Variants in PPP2R5E observed in about 807,000 individuals in gnomAD.
PPP2R5E encodes serine/threonine-protein phosphatase 2A 56 kDa regulatory subunit epsilon isoform.
Under a neutral mutation model 65.3 loss-of-function variants are expected in PPP2R5E, and 4 were observed. The ratio of observed to expected loss-of-function variants is 0.06; its 90% CI spans 0.03 to 0.14. The LOEUF is 0.14. Among genes scored for constraint, PPP2R5E ranks in the 10% least tolerant of loss-of-function variants. PPP2R5E has a pLI of 1.00. For missense variants in PPP2R5E, 274 were observed against 556.1 expected (o/e 0.49, Z 5.10); for synonymous variants, 183 against 187.4 (o/e 0.98, Z 0.19).
At chr14:63,540,719 T>C (rs940721930) in intron 1 of PPP2R5E, among the ~76,000 whole-genome samples, 33 of 144,286 alleles carry the variant, frequency 2.3e-4, no homozygotes, top group African/African-American at 8.8e-4. Context: ...GAAAACTCCT[T>C]CTCAAAAAAA....
chr14:63,518,108 C>T (rs1230507201), intron 2 of PPP2R5E, among the ~76,000 whole-genome samples: 1 of 152,210 alleles, frequency 6.6e-6, no homozygotes, highest in Non-Finnish European at 1.5e-5. Flanking sequence ...CAGGATCTCA[C>T]TCTGTCACCC....
intron 2 of PPP2R5E, among the ~76,000 whole-genome samples, chr14:63,482,250 A>C: frequency 6.6e-6 from 1 of 152,188 alleles, no homozygotes; most frequent in East Asian, 1.9e-4. Context: ...AGATCACCTG[A>C]GGTCAGGAGT....
At chr14:63,404,950 A>T (rs1885981051) in intron 5 of PPP2R5E, among the ~76,000 whole-genome samples, 1 of 152,210 alleles carries the variant, frequency 6.6e-6, no homozygotes, top group Admixed American at 6.5e-5. Context: ...GTGCAAAATA[A>T]ACATGCGGTG....
At chr14:63,470,688 C>A (rs1890073799) in intron 2 of PPP2R5E, among the ~76,000 whole-genome samples, 1 of 149,876 alleles carries the variant, frequency 6.7e-6, no homozygotes. Context: ...AATCTACTTT[C>A]ACAGGATCAT....
intron 13 of PPP2R5E, among the ~76,000 whole-genome samples, chr14:63,377,126 G>C (rs1429672021): frequency 6.6e-6 from 1 of 151,618 alleles, no homozygotes; most frequent in Admixed American, 6.6e-5. Context: ...TCCAGTCTGG[G>C]GGACAGAGCA....
chr14:63,486,293 TACACACACACACACAC>T (rs374427574), intron 2 of PPP2R5E, among the ~76,000 whole-genome samples: 14 of 127,956 alleles, frequency 1.1e-4, no homozygotes, highest in Admixed American at 7.8e-4. Context: ...CTTTCCCCAT[TACACACACACACACAC>T]ACACACACAC....
chr14:63,532,129 C>T (rs544049269), intron 2 of PPP2R5E, among the ~76,000 whole-genome samples: 105 of 152,280 alleles, frequency 6.9e-4, no homozygotes, highest in African/African-American at 2.5e-3. Context: ...AAAATGTTCA[C>T]ATAATTTTAG....
At chr14:63,427,638 A>G (rs887789365) in intron 3 of PPP2R5E, among the ~76,000 whole-genome samples, 2 of 152,068 alleles carry the variant, frequency 1.3e-5, no homozygotes, top group East Asian at 3.9e-4. Context: ...GAAAGAAAGA[A>G]AAAAAGGAGG....
intron 11 of PPP2R5E, among the ~76,000 whole-genome samples, chr14:63,385,755 TA>T (rs1884627117): frequency 1.4e-5 from 2 of 144,636 alleles, no homozygotes; most frequent in South Asian, 4.3e-4. Context: ...TAGGCAAGGT[TA>T]CACTGACAAT....
At chr14:63,542,724 G>A (rs1173992405) in intron 1 of PPP2R5E, 55 bp downstream of exon 1, 6 of 153,532 alleles carry the variant, frequency 3.9e-5, no homozygotes, top group African/African-American at 9.6e-5. Flanking sequence ...TCCCCAGGAG[G>A]ACCGGGAGGA....
chr14:63,519,443 CG>C (rs1892796073), intron 2 of PPP2R5E, among the ~76,000 whole-genome samples: 1 of 150,908 alleles, frequency 6.6e-6, no homozygotes, highest in Admixed American at 6.6e-5. Context: ...CTCTGCCTCC[CG>C]GGTTCAAGTG....
rs542113935 is a variant in PPP2R5E, at chr14:63,500,420, A to T, written c.157+39109T>A. On this transcript the variant is annotated intron_variant, in intron 2 of 13. Coordinates refer to ENST00000337537, the MANE Select transcript of PPP2R5E (RefSeq NM_006246.5). The stretch of plus-strand genomic sequence containing the variant: ...TCTTTTTACCAGCTAAGTCTTTGTG[A>T]CAGGAAATCGTTTACATTGACTAAA... 2.6e-5 allele frequency among the ~76,000 whole-genome samples: 4 copies of T among 152,330 alleles called. No individual in the cohort carries two copies. The East Asian group carries it at 7.7e-4, about 29-fold the overall frequency.
At chr14:63,481,421 A>T (rs1163663901) in intron 2 of PPP2R5E, among the ~76,000 whole-genome samples, 7 of 146,658 alleles carry the variant, frequency 4.8e-5, no homozygotes, top group African/African-American at 1.7e-4. Context: ...GCTTGAATCC[A>T]GGGGGCGGAG....
Position 63,394,071 on chromosome 14 carries a change from T to C in PPP2R5E, c.741-143A>G, listed in dbSNP as rs964946598. ...CACCCCAGTGGCATTCAGAATTTCC[T>C]TTTTTTTTTTTTTTTTTTTTTTTTT... On this transcript the variant is annotated intron_variant, in intron 7 of 13. Transcript: ENST00000337537. 1.3e-4 allele frequency: 10 copies of C among 77,652 alleles called. No individual in the cohort carries two copies. In the East Asian group the frequency reaches 7.7e-3, roughly 60 times the overall value. 4.8% of individuals were successfully genotyped at this position (77,652 alleles called of 1,614,324 possible). A position where few individuals can be genotyped will look rare whatever the true frequency, so the allele number is the denominator to read the frequency against.
intron 8 of PPP2R5E, among the ~76,000 whole-genome samples, chr14:63,393,299 AGGGTTCCTCCCACTTT>A (rs1885130291): frequency 6.6e-6 from 1 of 152,232 alleles, no homozygotes. Flanking sequence ...TGACCAAACA[AGGGTTCCTCCCACTTT>A]AAAAATATTT....
chr14:63,436,874 C>A (rs1339005315), intron 3 of PPP2R5E, among the ~76,000 whole-genome samples: 1 of 152,224 alleles, frequency 6.6e-6, no homozygotes, highest in Non-Finnish European at 1.5e-5. Context: ...TGAACCTGAG[C>A]AACTCCATCT....
chr14:63,438,309 G>A (rs967992911), intron 3 of PPP2R5E, among the ~76,000 whole-genome samples: 1 of 152,166 alleles, frequency 6.6e-6, no homozygotes, highest in East Asian at 1.9e-4. Flanking sequence ...TGTCTCCTCA[G>A]TAGAGAGACA....
At chr14:63,455,525 C>T (rs1040393790) in intron 2 of PPP2R5E, among the ~76,000 whole-genome samples, 6 of 152,296 alleles carry the variant, frequency 3.9e-5, no homozygotes, top group Non-Finnish European at 7.3e-5. Flanking sequence ...ATGTGTCTTG[C>T]AGTCATGATA....
chr14:63,458,631 T>C (rs1275942998), intron 2 of PPP2R5E, among the ~76,000 whole-genome samples: 1 of 152,100 alleles, frequency 6.6e-6, no homozygotes, highest in Non-Finnish European at 1.5e-5. Flanking sequence ...AATAAGTTAA[T>C]AAAGAAAATG....
Sources: gnomAD v4.1 joint callset for allele counts (sites outside exome capture counted in the v4.1 genomes callset) on GRCh38, gnomAD v4.1.1 for gene constraint, MANE v1.5 for transcripts, NCBI Gene and HGNC (gene_info 2026-07-23, HGNC 2026-07-21) for gene names.